Variants in RAPGEF1 observed in about 807,000 individuals in gnomAD.
The protein encoded by RAPGEF1 is CRK SH3-binding GNRP.
A neutral mutation model predicts 143.3 loss-of-function variants in RAPGEF1; 33 were observed. The ratio of observed to expected loss-of-function variants is 0.23; its 90% confidence interval spans 0.17 to 0.31. The LOEUF (loss-of-function observed/expected upper bound fraction) is 0.31. RAPGEF1 is among the 10% of genes least tolerant of loss of function. The pLI is 1.00. For missense variants in RAPGEF1, 1,199 were observed against 1,645.4 expected (o/e 0.73, Z 4.69); for synonymous variants, 629 against 676.5 (o/e 0.93, Z 1.09).
At chr9:131,600,863 T>C (rs1467133935) in intron 15 of RAPGEF1, among the ~76,000 whole-genome samples, 1 of 152,072 alleles carries the variant, frequency 6.6e-6, no homozygotes, top group Admixed American at 6.6e-5. Flanking sequence ...TATGCTAATA[T>C]TGAAAAATGT....
At position 131,584,664 on chromosome 9, in the gene RAPGEF1, G is replaced by A; in HGVS notation, c.3234-68C>T. 6.7e-7 allele frequency: 1 copy of A among 1,503,206 alleles called. No individual in the cohort carries two copies. The highest frequency in any genetic ancestry group is 1.1e-5 in the South Asian group (1 of 88,724). 93.1% of individuals were successfully genotyped at this position (1,503,206 alleles called of 1,614,324 possible). The stretch of plus-strand genomic sequence containing the variant: ...CCCTGCAGGTCCCAGGGGTCCTGGT[G>A]GAGACAGGACCTGTACGACCCCCAT... On this transcript the variant is annotated intron_variant, in intron 22 of 26. Coordinates refer to ENST00000683357, the MANE Select transcript of RAPGEF1 (RefSeq NM_001377935.1). The surrounding 1 kb of genome is among the most constrained non-coding windows in gnomAD (Gnocchi z 6.8).
intron 1 of RAPGEF1, among the ~76,000 whole-genome samples, chr9:131,684,336 C>T (rs1027981124): frequency 5.9e-5 from 9 of 152,204 alleles, no homozygotes; most frequent in Non-Finnish European, 1.0e-4. Flanking sequence ...TCACCTTTTG[C>T]AGTGTTTTGC....
At chr9:131,686,124 G>C (rs1282167242) in intron 1 of RAPGEF1, among the ~76,000 whole-genome samples, 1 of 152,152 alleles carries the variant, frequency 6.6e-6, no homozygotes, top group Non-Finnish European at 1.5e-5. Flanking sequence ...TTGCTCCAAA[G>C]CAGAGGGCAG....
At chr9:131,624,606 C>T (rs747261039) in intron 10 of RAPGEF1, among the ~76,000 whole-genome samples, 2 of 152,164 alleles carry the variant, frequency 1.3e-5, no homozygotes, top group African/African-American at 4.8e-5. Flanking sequence ...CTCAGAGGAC[C>T]CCTCCCCTAG....
intron 16 of RAPGEF1, among the ~76,000 whole-genome samples, chr9:131,597,149 G>A (rs956617512): frequency 7.9e-5 from 12 of 152,188 alleles, no homozygotes; most frequent in African/African-American, 2.7e-4. Flanking sequence ...GCTCTGTAAC[G>A]CTGGAGGGAC....
intron 12 of RAPGEF1, among the ~76,000 whole-genome samples, chr9:131,609,994 T>G (rs894715398): frequency 3.4e-4 from 51 of 152,180 alleles, no homozygotes; most frequent in African/African-American, 1.1e-3. Flanking sequence ...CCTCCTGGGT[T>G]CAACTGATTC....
intron 12 of RAPGEF1, among the ~76,000 whole-genome samples, chr9:131,606,612 A>C (rs1957156704): frequency 6.6e-6 from 1 of 152,172 alleles, no homozygotes; most frequent in South Asian, 2.1e-4. Flanking sequence ...TGAAGTTTTA[A>C]ACTAACAAGA....
chr9:131,651,435 C>G (rs1971057730), intron 1 of RAPGEF1, among the ~76,000 whole-genome samples: 1 of 152,120 alleles, frequency 6.6e-6, no homozygotes, highest in Non-Finnish European at 1.5e-5. Flanking sequence ...TCCTCTGGGC[C>G]CTGGTGAAAG....
intron 17 of RAPGEF1, 41 bp downstream of exon 17, chr9:131,596,257 G>T: frequency 6.3e-7 from 1 of 1,599,198 alleles, no homozygotes. Context: ...GGCACCCGGG[G>T]CAGGACCAGC....
At chr9:131,636,968 G>C (rs1034345839) in intron 5 of RAPGEF1, among the ~76,000 whole-genome samples, 2 of 152,170 alleles carry the variant, frequency 1.3e-5, no homozygotes, top group Non-Finnish European at 2.9e-5. Flanking sequence ...GCTCACACCT[G>C]TAATCCCAAC....
At chr9:131,620,253 A>G (rs1367897301) in intron 11 of RAPGEF1, among the ~76,000 whole-genome samples, 1 of 147,366 alleles carries the variant, frequency 6.8e-6, no homozygotes, top group Admixed American at 6.9e-5. Flanking sequence ...AATATTTTCA[A>G]TAAATCTGGC....
chr9:131,652,375 G>A (rs903009515), intron 1 of RAPGEF1, among the ~76,000 whole-genome samples: 1 of 151,760 alleles, frequency 6.6e-6, no homozygotes, highest in Non-Finnish European at 1.5e-5. Flanking sequence ...TCAGCCTCTC[G>A]AGTGGCTAGG....
chr9:131,645,824 G>A (rs369868048), intron 3 of RAPGEF1, among the ~76,000 whole-genome samples: 4 of 152,370 alleles, frequency 2.6e-5, no homozygotes, highest in South Asian at 4.1e-4. Context: ...GAAACTAAAT[G>A]AGGCTGTCCG....
At chr9:131,737,410 T>C (rs1837489947) in intron 1 of RAPGEF1, 1 of 1,613,832 alleles carries the variant, frequency 6.2e-7, no homozygotes, top group Non-Finnish European at 8.5e-7. Context: ...CTCACCTGTG[T>C]CCATGGCAGC....
At chr9:131,614,465 T>C (rs1958586261) in intron 12 of RAPGEF1, among the ~76,000 whole-genome samples, 1 of 152,214 alleles carries the variant, frequency 6.6e-6, no homozygotes, top group African/African-American at 2.4e-5. Context: ...TTTAGGCCCG[T>C]CAGTGTGCCC....
At chr9:131,599,011 G>C (rs1017912244) in intron 15 of RAPGEF1, among the ~76,000 whole-genome samples, 1 of 152,064 alleles carries the variant, frequency 6.6e-6, no homozygotes, top group Admixed American at 6.5e-5. Context: ...TTTTAGTAGA[G>C]ACAGGGATTC....
At chr9:131,630,417 G>T in intron 5 of RAPGEF1, 93 bp from the exon 6 acceptor site, 2 of 1,237,038 alleles carry the variant, frequency 1.6e-6, no homozygotes, top group Non-Finnish European at 2.3e-6. Flanking sequence ...CTCTGCTGCT[G>T]AGTCTCATTT....
intron 22 of RAPGEF1, among the ~76,000 whole-genome samples, 187 bp downstream of exon 22, chr9:131,587,549 C>T (rs1318306220): frequency 2.0e-5 from 3 of 152,226 alleles, no homozygotes; most frequent in African/African-American, 4.8e-5. Flanking sequence ...CCACTTCCAG[C>T]AAGCCCCATC....
chr9:131,651,764 A>G (rs1205759321), intron 1 of RAPGEF1, among the ~76,000 whole-genome samples: 2 of 152,244 alleles, frequency 1.3e-5, no homozygotes, highest in Non-Finnish European at 2.9e-5. Flanking sequence ...AAGGACAGGA[A>G]TAAGTTCTGA....
Sources: allele counts gnomAD v4.1 joint callset (sites outside exome capture counted in the v4.1 genomes callset), GRCh38; gene constraint gnomAD v4.1.1; non-coding constraint Gnocchi (gnomAD v3.1); transcripts MANE v1.5; gene names NCBI Gene and HGNC (gene_info 2026-07-23, HGNC 2026-07-21).